Variants in SGCZ observed in about 807,000 individuals in gnomAD.
The protein encoded by SGCZ is sarcoglycan zeta.
In SGCZ, 40 loss-of-function variants were observed where a neutral mutation model predicts 41.3. The ratio of observed to expected loss-of-function variants is 0.97; its 90% CI spans 0.75 to 1.26. SGCZ has a LOEUF of 1.26. SGCZ is among the 50% of genes most tolerant of loss of function. The probability of loss-of-function intolerance (pLI) is 0.00; values close to 1 mark genes in which losing one functional copy is unlikely to be tolerated. For missense variants in SGCZ, 552 were observed against 369.8 expected (o/e 1.49, Z -4.04); for synonymous variants, 206 against 137.5 (o/e 1.50, Z -3.49).
At chr8:14,375,407 C>T (rs2117174050) in intron 2 of SGCZ, among the ~76,000 whole-genome samples, 1 of 152,202 alleles carries the variant, frequency 6.6e-6, no homozygotes, top group Non-Finnish European at 1.5e-5. Flanking sequence ...GCCTAAATCC[C>T]ATGATCAAGA....
intron 1 of SGCZ, among the ~76,000 whole-genome samples, chr8:15,080,684 G>T (rs915116864): frequency 5.9e-5 from 9 of 152,040 alleles, no homozygotes; most frequent in African/African-American, 2.2e-4. Context: ...TCCGCCTCTG[G>T]GGTTCAAGCG....
At chr8:14,957,123 G>C (rs1432548607) in intron 1 of SGCZ, among the ~76,000 whole-genome samples, 1 of 152,050 alleles carries the variant, frequency 6.6e-6, no homozygotes, top group African/African-American at 2.4e-5. Context: ...CATTGAACTT[G>C]ATTGCAATTA....
At chr8:14,282,887 T>G (rs1800495607) in intron 3 of SGCZ, among the ~76,000 whole-genome samples, 1 of 127,540 alleles carries the variant, frequency 7.8e-6, no homozygotes, top group South Asian at 2.5e-4. Context: ...TCTCACTCTG[T>G]CACCCAGGCT....
chr8:14,431,713 T>A (rs1799946583), intron 2 of SGCZ, among the ~76,000 whole-genome samples: 1 of 152,186 alleles, frequency 6.6e-6, no homozygotes, highest in Admixed American at 6.5e-5. Flanking sequence ...AAAGAACTTT[T>A]GCACGGCAAA....
At chr8:14,554,975 A>G (rs775731372) in intron 1 of SGCZ, 49 bp from the exon 2 acceptor site, 17 of 1,477,946 alleles carry the variant, frequency 1.2e-5, no homozygotes, top group Middle Eastern at 1.9e-4. Flanking sequence ...AAAAAGAAGC[A>G]TTAAAAAAAA....
In SGCZ at chr8:14,231,249, G is replaced by C. The variant is rs543970338; in HGVS notation, c.424+6343C>G. 3.5e-3 allele frequency among the ~76,000 whole-genome samples: 529 copies of C among 149,450 alleles called. 2 individuals are homozygous for C. Among genetic ancestry groups the C allele is most frequent in the African/African-American group, 0.01 (419 of 40,696 alleles). On this transcript the variant is annotated intron_variant, in intron 4 of 7. Transcript: ENST00000382080. ...AGAGAGACAGAGAGAGAGAGAGAGA[G>C]ACACAGAGAGAGAGAGAGACAGAGA...
intron 5 of SGCZ, among the ~76,000 whole-genome samples, chr8:14,157,598 A>G (rs948083839): frequency 1.1e-4 from 16 of 151,980 alleles, no homozygotes; most frequent in Non-Finnish European, 1.8e-4. Context: ...AGAAAAATAA[A>G]AAAAAAACAT....
rs139834893 is a variant in SGCZ at position 14,851,394 on chromosome 8, A to G, written c.40-296468T>C. On this transcript the variant is annotated intron_variant, in intron 1 of 7. Coordinates refer to ENST00000382080, the MANE Select transcript of SGCZ (RefSeq NM_139167.4). ...AAAAAAAAAAAAAAAAAAAAAAGAA[A>G]AAAAGAAAAAAGAAAAAAGTATTCA... Among the ~76,000 whole-genome samples, 1,065 of 150,312 alleles carry G rather than the reference A, an allele frequency of 7.1e-3. 14 individuals carry two copies. The highest frequency in any genetic ancestry group is 0.024 in the African/African-American group (1,000 of 40,890).
chr8:14,468,797 T>C (rs868060526), intron 2 of SGCZ, among the ~76,000 whole-genome samples: 37 of 152,068 alleles, frequency 2.4e-4, no homozygotes, highest in African/African-American at 8.9e-4. Context: ...TCAAAGTACA[T>C]TGAAATATAA....
At chr8:14,497,380 G>A (rs1243637001) in intron 2 of SGCZ, among the ~76,000 whole-genome samples, 3 of 152,202 alleles carry the variant, frequency 2.0e-5, no homozygotes, top group African/African-American at 4.8e-5. Context: ...CAGATCTCTC[G>A]TGAACTAATG....
intron 5 of SGCZ, among the ~76,000 whole-genome samples, chr8:14,146,716 C>CA (rs1303824546): frequency 1.3e-5 from 2 of 150,654 alleles, no homozygotes; most frequent in Admixed American, 6.6e-5. Context: ...ACTAAAAATA[C>CA]AAAAAATTAG....
intron 5 of SGCZ, among the ~76,000 whole-genome samples, chr8:14,123,818 G>A (rs1188664914): frequency 6.6e-6 from 1 of 152,098 alleles, no homozygotes. Flanking sequence ...GGGTAATTCA[G>A]ATGACAAATG....
chr8:14,635,857 C>T lies in SGCZ; in HGVS notation c.40-80931G>A, dbSNP rs116111849. 5.3e-3 allele frequency among the ~76,000 whole-genome samples: 810 copies of T among 151,724 alleles called. 7 individuals are homozygous for T. The highest frequency in any genetic ancestry group is 0.017 in the African/African-American group (689 of 41,428). On this transcript the variant is annotated intron_variant, in intron 1 of 7. Coordinates refer to ENST00000382080, the MANE Select transcript of SGCZ (RefSeq NM_139167.4). ...GAATGAGAGAAAAGTAGACATATTT[C>T]CTGCTTACAGAATTTACATTTTACT...
At chr8:14,276,161 G>C (rs149720944) in intron 3 of SGCZ, among the ~76,000 whole-genome samples, 1,875 of 152,196 alleles carry the variant, frequency 0.012, 21 homozygotes, top group Non-Finnish European at 0.018. Context: ...CCTTAGTCTG[G>C]GTGGGCATTG....
intron 2 of SGCZ, among the ~76,000 whole-genome samples, chr8:14,493,341 T>A (rs983241633): frequency 6.7e-6 from 1 of 149,288 alleles, no homozygotes; most frequent in African/African-American, 2.5e-5. Flanking sequence ...TCACATACTT[T>A]TCCCACTATC....
At chr8:14,150,727 G>GT (rs1028435121) in intron 5 of SGCZ, among the ~76,000 whole-genome samples, 9 of 152,264 alleles carry the variant, frequency 5.9e-5, no homozygotes, top group African/African-American at 2.2e-4. Flanking sequence ...ACATGCCTGT[G>GT]TTTGTTGCAG....
At chr8:14,436,957 G>A (rs1033995659) in intron 2 of SGCZ, among the ~76,000 whole-genome samples, 1 of 152,140 alleles carries the variant, frequency 6.6e-6, no homozygotes, top group South Asian at 2.1e-4. Flanking sequence ...ATTTGTTGAT[G>A]AAGATGAAAA....
intron 1 of SGCZ, among the ~76,000 whole-genome samples, chr8:15,177,353 G>C (rs963870712): frequency 2.0e-5 from 3 of 152,178 alleles, no homozygotes; most frequent in African/African-American, 7.2e-5. Context: ...CAGGCAGCTG[G>C]TGGGCTAAAA....
intron 2 of SGCZ, among the ~76,000 whole-genome samples, chr8:14,373,070 C>G (rs1273105710): frequency 1.3e-5 from 2 of 152,034 alleles, no homozygotes; most frequent in Admixed American, 1.3e-4. Flanking sequence ...AGTCAAGAGG[C>G]TTTTGCAATA....
Sources: gnomAD v4.1 joint callset for allele counts (sites outside exome capture counted in the v4.1 genomes callset) on GRCh38, gnomAD v4.1.1 for gene constraint, MANE v1.5 for transcripts, NCBI Gene and HGNC (gene_info 2026-07-23, HGNC 2026-07-21) for gene names.